ZC3H12B: variants seen among roughly 807,000 people sequenced by gnomAD.
ZC3H12B encodes probable ribonuclease ZC3H12B.
Under a neutral mutation model 43.9 loss-of-function variants are expected in ZC3H12B, and 7 were observed. The ratio of observed to expected loss-of-function variants is 0.16; its 90% CI spans 0.09 to 0.30. ZC3H12B has a LOEUF of 0.30. Ranked by LOEUF, ZC3H12B falls within the 10% of genes least tolerant of loss-of-function variation. The pLI is 1.00. For synonymous variants in ZC3H12B, 222 were observed against 241.7 expected (o/e 0.92, Z 0.76); for missense variants, 475 against 670.2 (o/e 0.71, Z 3.22).
At chrX:65,082,332 A>G in the ZC3H12B span, among the ~76,000 whole-genome samples, 1 of 111,753 alleles carries the variant, frequency 8.9e-6, no homozygotes, top group Non-Finnish European at 1.9e-5. Flanking sequence ...AGAAACAAAA[A>G]GTTACTTTTT....
At chrX:65,433,159 C>T (rs1231577214) in intron 3 of ZC3H12B, among the ~76,000 whole-genome samples, 1 of 112,660 alleles carries the variant, frequency 8.9e-6, no homozygotes, top group East Asian at 2.8e-4. Flanking sequence ...TCTGGTACAG[C>T]AGCTTGAATT....
chrX:65,210,710 A>G, the ZC3H12B span, among the ~76,000 whole-genome samples: 1 of 4,701 alleles, frequency 2.1e-4, no homozygotes, highest in Non-Finnish European at 3.3e-4. Flanking sequence ...AAAATGTGGC[A>G]CATATACACC....
chrX:65,128,898 A>G, the ZC3H12B span, among the ~76,000 whole-genome samples: 1 of 111,479 alleles, frequency 9.0e-6, no homozygotes, highest in Non-Finnish European at 1.9e-5. Context: ...TGCTTGTTGT[A>G]TCTTTTTCTG....
At chrX:65,189,679 T>G in the ZC3H12B span, among the ~76,000 whole-genome samples, 1 of 106,058 alleles carries the variant, frequency 9.4e-6, no homozygotes, top group Non-Finnish European at 1.9e-5. Context: ...TTGAGTTCAT[T>G]GTAGATTCTG....
At chrX:65,151,339 C>T in the ZC3H12B span, among the ~76,000 whole-genome samples, 5 of 111,658 alleles carry the variant, frequency 4.5e-5, no homozygotes, top group African/African-American at 1.3e-4. Context: ...ATCTGTCACT[C>T]GAAAATGTGG....
chrX:65,465,807 CTTTTA>C (rs2067810234), intron 3 of ZC3H12B, among the ~76,000 whole-genome samples: 1 of 109,894 alleles, frequency 9.1e-6, no homozygotes, highest in Non-Finnish European at 1.9e-5. Flanking sequence ...ATATTAACAT[CTTTTA>C]TTTTTTCCAA....
the ZC3H12B span, among the ~76,000 whole-genome samples, chrX:65,284,252 A>AC: frequency 0.098 from 7,857 of 80,361 alleles, 1,015 homozygotes; most frequent in African/African-American, 0.32. Context: ...ACACACACAC[A>AC]AAAAAAAAAA....
At chrX:65,159,870 G>A in the ZC3H12B span, among the ~76,000 whole-genome samples, 3 of 111,592 alleles carry the variant, frequency 2.7e-5, no homozygotes, top group Non-Finnish European at 5.6e-5. Flanking sequence ...TCCAGTTTTT[G>A]CCCATTCAGT....
chrX:65,062,798 AT>A, the ZC3H12B span, among the ~76,000 whole-genome samples: 1 of 112,089 alleles, frequency 8.9e-6, no homozygotes, highest in African/African-American at 3.2e-5. Flanking sequence ...TGAGCATGGA[AT>A]GTTTTTCCTT....
chrX:65,343,416 C>T, the ZC3H12B span, among the ~76,000 whole-genome samples: 1 of 111,494 alleles, frequency 9.0e-6, no homozygotes, highest in South Asian at 3.7e-4. Context: ...AACATTGATG[C>T]AAAAATCCAC....
At chrX:65,080,983 G>A in the ZC3H12B span, among the ~76,000 whole-genome samples, 1 of 106,724 alleles carries the variant, frequency 9.4e-6, no homozygotes, top group East Asian at 3.0e-4. Flanking sequence ...AAAAGCAGGG[G>A]GACAAAGTTA....
At chrX:65,256,946 G>C in the ZC3H12B span, among the ~76,000 whole-genome samples, 1 of 112,069 alleles carries the variant, frequency 8.9e-6, no homozygotes, top group Non-Finnish European at 1.9e-5. Context: ...GAAAAAGTCA[G>C]GAAACAGCAG....
At chrX:65,429,478 C>T (rs190278497) in intron 3 of ZC3H12B, among the ~76,000 whole-genome samples, 240 of 112,592 alleles carry the variant, frequency 2.1e-3, no homozygotes, top group Non-Finnish European at 3.7e-3. Context: ...TGGGAGGTTC[C>T]AACCGGTAAG....
At chrX:65,225,433 A>G in the ZC3H12B span, among the ~76,000 whole-genome samples, 1 of 112,318 alleles carries the variant, frequency 8.9e-6, no homozygotes, top group Admixed American at 9.4e-5. Context: ...GAAAAAACAG[A>G]GCAGAAAAAC....
the ZC3H12B span, among the ~76,000 whole-genome samples, chrX:65,202,842 C>T: frequency 9.0e-6 from 1 of 111,290 alleles, no homozygotes; most frequent in Non-Finnish European, 1.9e-5. Context: ...GTGGCAAGTT[C>T]CCCCCAACCC....
At chrX:65,153,158 A>C in the ZC3H12B span, among the ~76,000 whole-genome samples, 6 of 112,287 alleles carry the variant, frequency 5.3e-5, no homozygotes, top group South Asian at 3.7e-4. Context: ...ATTACCATTC[A>C]GGACATAGGC....
upstream of ZC3H12B, among the ~76,000 whole-genome samples, chrX:65,362,466 G>C (rs913624023): frequency 1.8e-5 from 2 of 110,542 alleles, no homozygotes; most frequent in Non-Finnish European, 3.8e-5. Flanking sequence ...TTATTAGGTC[G>C]AGACATTTTG....
the ZC3H12B span, among the ~76,000 whole-genome samples, chrX:65,170,359 G>GC: frequency 8.9e-6 from 1 of 111,778 alleles, no homozygotes; most frequent in Non-Finnish European, 1.9e-5. Context: ...TTGAATATTT[G>GC]CCCCCACTGT....
At chrX:65,276,798 C>T in the ZC3H12B span, among the ~76,000 whole-genome samples, 1 of 111,564 alleles carries the variant, frequency 9.0e-6, no homozygotes, top group African/African-American at 3.3e-5. Flanking sequence ...AGAAACCCAA[C>T]TTCAAAAATA....
Sources: allele counts gnomAD v4.1 joint callset (sites outside exome capture counted in the v4.1 genomes callset), GRCh38; gene constraint gnomAD v4.1.1; transcripts MANE v1.5; gene names NCBI Gene and HGNC (gene_info 2026-07-23, HGNC 2026-07-21).